Variants in AKAP13 observed in about 807,000 individuals in gnomAD.
AKAP13 encodes A-kinase anchoring protein 13.
In AKAP13, 80 loss-of-function variants were observed where a neutral mutation model predicts 264.5. That is an observed-to-expected ratio of 0.30 (90% CI 0.25 to 0.36). AKAP13 has a LOEUF of 0.36. Ranked by LOEUF, AKAP13 falls within the 10% of genes least tolerant of loss-of-function variation. The probability of loss-of-function intolerance (pLI) is 1.00; values close to 1 mark genes in which losing one functional copy is unlikely to be tolerated. For synonymous variants in AKAP13, 1,380 were observed against 1,250.2 expected (o/e 1.10, Z -2.19); for missense variants, 3,712 against 3,435.2 (o/e 1.08, Z -2.01).
At chr15:85,740,055 G>A (rs2088841314) in intron 33 of AKAP13, among the ~76,000 whole-genome samples, 167 bp from the exon 34 acceptor site, 1 of 152,020 alleles carries the variant, frequency 6.6e-6, no homozygotes, top group Admixed American at 6.6e-5. Context: ...CTTGGCTGCT[G>A]GTGCTCACTT....
At chr15:85,620,906 A>G (rs2081157402) in intron 8 of AKAP13, among the ~76,000 whole-genome samples, 1 of 152,192 alleles carries the variant, frequency 6.6e-6, no homozygotes, top group Admixed American at 6.5e-5. Context: ...AGCCGGTAAG[A>G]TGAGAGTCTG....
At chr15:85,521,315 G>C (rs1035809022) in intron 2 of AKAP13, 113 bp from the exon 3 acceptor site, 2 of 1,269,072 alleles carry the variant, frequency 1.6e-6, no homozygotes, top group African/African-American at 3.0e-5. Flanking sequence ...ACCAGAATGG[G>C]GGCATGGTTT....
At chr15:85,731,188 C>T (rs929720319) in intron 30 of AKAP13, among the ~76,000 whole-genome samples, 8 of 151,712 alleles carry the variant, frequency 5.3e-5, no homozygotes, top group Admixed American at 5.3e-4. Flanking sequence ...GTATTTTTCA[C>T]AGATACAGGG....
chr15:85,685,021 A>G, intron 16 of AKAP13, 148 bp downstream of exon 16: 1 of 1,019,572 alleles, frequency 9.8e-7, no homozygotes, highest in Non-Finnish European at 1.4e-6. Flanking sequence ...TTAAAGGAAA[A>G]TAATAAGAAG....
chr15:85,566,626 C>T (rs1412426137), intron 5 of AKAP13, among the ~76,000 whole-genome samples: 6 of 135,288 alleles, frequency 4.4e-5, no homozygotes, highest in Non-Finnish European at 7.9e-5. Context: ...AAATAACTTA[C>T]TTTTTTTTTT....
chr15:85,381,965 C>T (rs868169614), intron 1 of AKAP13: 4 of 152,176 alleles, frequency 2.6e-5, no homozygotes, highest in Non-Finnish European at 4.4e-5. Flanking sequence ...AAGCTAAGAT[C>T]AGTTGAGATA....
chr15:85,387,492 AT>A (rs1430244216), intron 1 of AKAP13, among the ~76,000 whole-genome samples: 3 of 151,990 alleles, frequency 2.0e-5, no homozygotes, highest in East Asian at 1.9e-4. Flanking sequence ...TACCTGGCTA[AT>A]TTTTTTATTT....
At chr15:85,720,005 G>C (rs1233119025) in intron 23 of AKAP13, among the ~76,000 whole-genome samples, 1 of 152,086 alleles carries the variant, frequency 6.6e-6, no homozygotes, top group East Asian at 1.9e-4. Context: ...GGCTGAGGCG[G>C]ATGGATTGCT....
At chr15:85,593,531 A>T (rs1349540365) in intron 8 of AKAP13, among the ~76,000 whole-genome samples, 6 of 145,846 alleles carry the variant, frequency 4.1e-5, no homozygotes, top group Admixed American at 2.0e-4. Context: ...CCATGTGGGA[A>T]TTTTTTTTTT....
Position 85,527,210 on chromosome 15 carries a change from G to A in AKAP13, c.181+5635G>A, listed in dbSNP as rs556096740. ...GATCTCCTGACCTCGTGATCCGCCC[G>A]CCTTGGCCTCCCACAGTGCTGGGAT... On this transcript the variant is annotated intron_variant, in intron 3 of 36. Coordinates refer to ENST00000394518, the MANE Select transcript of AKAP13 (RefSeq NM_007200.5). Among the ~76,000 whole-genome samples the A allele has an allele frequency of 9.9e-5, 15 of 152,168 alleles. No homozygotes were observed. In the East Asian group the frequency reaches 1.7e-3, roughly 18 times the overall value.
chr15:85,580,773 T>C lies in AKAP13; in HGVS notation c.2705T>C (p.Leu902Ser). The C allele has an allele frequency of 1.2e-6, 2 of 1,614,154 alleles. No homozygotes were observed. The highest frequency in any genetic ancestry group is 1.7e-6 in the Non-Finnish European group (2 of 1,180,022). ...SSLQSVGKAT[L>S]ALDSVLTEEG... The stretch of plus-strand genomic sequence containing the variant: ...CTGCAAAGTGTGGGTAAGGCCACTT[T>C]GGCTTTAGATTCAGTTTTGACTGAA... Residue 902 changes from leucine (L) to serine (S), a missense_variant, in exon 7 of 37, where the codon TTG becomes TCG. Physicochemically the swap from Leu to Ser is moderately radical, Grantham distance 145. Transcript: ENST00000394518.
chr15:85,440,761 G>T (rs1271726609), intron 1 of AKAP13, among the ~76,000 whole-genome samples: 1 of 152,152 alleles, frequency 6.6e-6, no homozygotes, highest in Non-Finnish European at 1.5e-5. Flanking sequence ...TGTCATATAT[G>T]CAGTTTGAAG....
At position 85,579,072 on chromosome 15, in the gene AKAP13, A is replaced by C; in HGVS notation, c.1004A>C (p.Glu335Ala). Residue 335 changes from glutamate (E) to alanine (A), a missense_variant, in exon 7 of 37, where the codon GAG (glutamate) becomes GCG (alanine). By Grantham distance (107) the Glu-to-Ala change is moderately radical. Around this residue, in one of 3 missense-constraint regions of AKAP13, gnomAD observed 2,759 missense variants for 2,411.7 expected, o/e 1.14. Transcript: ENST00000394518. ...TDPQRLSSSE[E>A]TESTQCCPGS... ...CCTCAGCGACTTTCTTCTTCTGAAG[A>C]GACTGAGAGCACTCAGTGCTGCCCA... 6.2e-7 allele frequency: 1 copy of C among 1,614,180 alleles called. No homozygotes were observed. The highest frequency in any genetic ancestry group is 8.5e-7 in the Non-Finnish European group (1 of 1,180,044).
chr15:85,715,915 C>T lies in AKAP13; in HGVS notation c.5727C>T (p.Asn1909=). 1 of 1,611,188 alleles carries T rather than the reference C, an allele frequency of 6.2e-7. No individual in the cohort carries two copies. The highest frequency in any genetic ancestry group is 8.5e-7 in the Non-Finnish European group (1 of 1,179,166). ...TCTCCAAAAGTGTCTCCATACAGAA[C>T]ATTACTGGGTAAGTGGAGATATTTA... is the stretch of plus-strand genomic sequence containing the variant. ...VSLSKSVSIQ[N]ITGVGNDENM... is the part of the protein sequence containing the mutation. Residue 1909 remains asparagine (N), a synonymous_variant, in exon 20 of 37, where the codon AAC becomes AAT. Transcript: ENST00000394518.
intron 1 of AKAP13, among the ~76,000 whole-genome samples, chr15:85,431,927 T>G (rs1238090632): frequency 3.3e-5 from 5 of 152,188 alleles, no homozygotes; most frequent in Non-Finnish European, 5.9e-5. Context: ...TCAACAGTGG[T>G]ACAGTTACGT....
intron 1 of AKAP13, among the ~76,000 whole-genome samples, chr15:85,414,768 A>G (rs139661594): frequency 2.3e-4 from 35 of 152,360 alleles, no homozygotes; most frequent in African/African-American, 8.4e-4. Flanking sequence ...ACAAATTGAG[A>G]TGTCCTAGCT....
At chr15:85,699,497 C>T (rs989492916) in intron 17 of AKAP13, among the ~76,000 whole-genome samples, 2 of 151,802 alleles carry the variant, frequency 1.3e-5, no homozygotes, top group African/African-American at 2.4e-5. Flanking sequence ...ATACACCAAA[C>T]TGTTAACAAT....
At chr15:85,432,661 C>T (rs772841750) in intron 1 of AKAP13, among the ~76,000 whole-genome samples, 1 of 152,064 alleles carries the variant, frequency 6.6e-6, no homozygotes, top group Non-Finnish European at 1.5e-5. Context: ...ATTCACTTCG[C>T]AAAATTGACT....
chr15:85,464,951 A>G (rs1364009340), intron 1 of AKAP13, among the ~76,000 whole-genome samples: 3 of 151,464 alleles, frequency 2.0e-5, no homozygotes, highest in African/African-American at 7.3e-5. Context: ...TACTTTTTTT[A>G]TTTTTTTGAG....
Sources: gnomAD v4.1 joint callset for allele counts (sites outside exome capture counted in the v4.1 genomes callset) on GRCh38, gnomAD v4.1.1 for gene constraint, gnomAD v4.1.1 regional missense constraint, MANE v1.5 for transcripts, NCBI Gene and HGNC (gene_info 2026-07-23, HGNC 2026-07-21) for gene names.